Variants in ABHD2 observed in about 807,000 individuals in gnomAD.
ABHD2 encodes the protein abhydrolase domain containing 2, acylglycerol lipase.
In ABHD2, 20 loss-of-function variants were observed where a neutral mutation model predicts 48.1. That is an observed-to-expected ratio of 0.42 (90% CI 0.29 to 0.60). ABHD2 has a LOEUF of 0.60. Among genes scored for constraint, ABHD2 ranks in the 20% least tolerant of loss-of-function variants. The pLI, the probability that ABHD2 is intolerant of heterozygous loss-of-function variation, is 0.24. For synonymous variants in ABHD2, 209 were observed against 214.2 expected (o/e 0.98, Z 0.21); for missense variants, 405 against 550.9 (o/e 0.74, Z 2.65).
At chr15:89,083,461 C>G (rs1175842806), upstream of ABHD2, among the ~76,000 whole-genome samples, 1 of 152,148 alleles carries the variant, frequency 6.6e-6, no homozygotes, top group Non-Finnish European at 1.5e-5. The surrounding 1 kb of genome is among the most constrained non-coding windows in gnomAD (Gnocchi z 5.1). Flanking sequence ...GATTAGAACA[C>G]TTTTTCATCT....
At chr15:89,178,510 G>A (rs188658940) in intron 6 of ABHD2, among the ~76,000 whole-genome samples, 111 of 152,198 alleles carry the variant, frequency 7.3e-4, no homozygotes, top group Middle Eastern at 3.4e-3. Context: ...CTGGAGACCC[G>A]CTTCCTCAGT....
chr15:89,191,377 G>A (rs932391867), intron 9 of ABHD2, among the ~76,000 whole-genome samples: 2 of 152,060 alleles, frequency 1.3e-5, no homozygotes, highest in Admixed American at 6.6e-5. Context: ...TCTGTGTGAG[G>A]GCCTTTAAAA....
At position 89,176,297 on chromosome 15, in the gene ABHD2, G is replaced by A. The variant is rs2051012307; in HGVS notation, c.722+302G>A. On this transcript the variant is annotated intron_variant, in intron 6 of 10. Coordinates refer to ENST00000352732, the MANE Select transcript of ABHD2 (RefSeq NM_152924.5). The surrounding 1 kb of genome is among the most constrained non-coding windows in gnomAD (Gnocchi z 4.5). ...TCTGTCAGGTGACTTAATTTGTTCA[G>A]GCTTCAGGAGTTTTTATAGAAACGT... is the stretch of plus-strand genomic sequence containing the variant. Among the ~76,000 whole-genome samples the A allele has an allele frequency of 6.6e-6, 1 of 152,104 alleles. No individual in the cohort carries two copies. Among genetic ancestry groups the A allele is most frequent in the Non-Finnish European group, 1.5e-5 (1 of 68,018 alleles).
At chr15:89,071,844 C>T in the ABHD2 span, among the ~76,000 whole-genome samples, 2 of 152,210 alleles carry the variant, frequency 1.3e-5, no homozygotes, top group African/African-American at 4.8e-5. Flanking sequence ...TTATAATGCT[C>T]ACTCCCTGAT....
chr15:89,107,154 G>A (rs2049799306), intron 1 of ABHD2, among the ~76,000 whole-genome samples: 1 of 152,188 alleles, frequency 6.6e-6, no homozygotes, highest in African/African-American at 2.4e-5. Context: ...GAGAGGGGTG[G>A]TGTCAGGAGC....
the ABHD2 span, among the ~76,000 whole-genome samples, chr15:89,052,977 T>TA: frequency 3.3e-4 from 50 of 151,600 alleles, no homozygotes; most frequent in African/African-American, 1.2e-3. Context: ...AGCTTTTTTT[T>TA]TTTTTTTTGA....
chr15:89,072,583 A>C, the ABHD2 span, among the ~76,000 whole-genome samples: 3 of 129,444 alleles, frequency 2.3e-5, no homozygotes, highest in South Asian at 3.0e-4. Context: ...AGGGGAGGGA[A>C]GAAAAGGAGA....
chr15:89,050,303 G>A, the ABHD2 span, among the ~76,000 whole-genome samples: 1 of 152,168 alleles, frequency 6.6e-6, no homozygotes, highest in African/African-American at 2.4e-5. Context: ...CTCTGGGCCT[G>A]AGCCTATGGA....
At chr15:89,101,166 A>G (rs975759706) in intron 1 of ABHD2, among the ~76,000 whole-genome samples, 7 of 152,176 alleles carry the variant, frequency 4.6e-5, no homozygotes, top group African/African-American at 1.7e-4. Context: ...AGCTTTGAAT[A>G]TATTTCTTTA....
the ABHD2 span, among the ~76,000 whole-genome samples, chr15:89,070,581 A>G: frequency 6.6e-6 from 1 of 152,172 alleles, no homozygotes; most frequent in Admixed American, 6.5e-5. Context: ...GGATGGGGTA[A>G]TCTCAATAAA....
chr15:89,151,681 A>C lies in ABHD2; in HGVS notation c.199A>C (p.Ile67Leu). The C allele has an allele frequency of 1.2e-6, 2 of 1,613,826 alleles. No homozygotes were observed. Among genetic ancestry groups the C allele is most frequent in the South Asian group, 2.2e-5 (2 of 91,058 alleles). The change falls in exon 4 of 11, where the codon ATT (isoleucine) becomes CTT (leucine). Residue 67 changes from isoleucine (I) to leucine (L), a missense_variant. Ile to Leu is a conservative substitution (Grantham distance 5, BLOSUM62 2). Coordinates refer to ENST00000352732, the MANE Select transcript of ABHD2 (RefSeq NM_152924.5). This position sits in a 1 kb window ranked among gnomAD's most constrained non-coding sequence, Gnocchi z 4.7. The part of the protein sequence containing the change: ...KSCPLLTKEY[I>L]PPLIWGKSGH... Reference sequence around the variant, plus strand: ...CCTCCCTTGTCCTTTCTTTAGATACATTCCACCGTTGATCTGGGGGAAAAG... The same window carrying C: ...CCTCCCTTGTCCTTTCTTTAGATACCTTCCACCGTTGATCTGGGGGAAAAG...
Position 89,099,431 on chromosome 15 carries a change from C to T in ABHD2, c.-107+10868C>T, listed in dbSNP as rs2049665302. ...CCTGGAAAACATAGTGAGACTCCAT[C>T]TCTGCAACAACAACAACAACAAGAA... On this transcript the variant is annotated intron_variant, in intron 1 of 10. Transcript: ENST00000352732. Among the ~76,000 whole-genome samples, 4 of 151,802 alleles carry T rather than the reference C, an allele frequency of 2.6e-5. No individual in the cohort carries two copies. In the South Asian group the frequency reaches 8.3e-4, roughly 32 times the overall value.
chr15:89,117,062 G>T (rs775353333), intron 3 of ABHD2, among the ~76,000 whole-genome samples: 2 of 152,142 alleles, frequency 1.3e-5, no homozygotes, highest in African/African-American at 4.8e-5. Context: ...GTCTTGCTCA[G>T]TCACTCAGGC....
Position 89,116,352 on chromosome 15 carries a change from G to A in ABHD2, c.25G>A (p.Glu9Lys), listed in dbSNP as rs758636497. ...GATGAATGCCATGCTGGAGACTCCCGAACTCCCAGCCGTGTTTGATGGAGT... is the reference window on the plus strand; with the variant it reads ...GATGAATGCCATGCTGGAGACTCCCAAACTCCCAGCCGTGTTTGATGGAGT... MNAMLETP[E>K]LPAVFDGVKL... The change falls in exon 3 of 11, where the codon GAA becomes AAA. Residue 9 changes from glutamate (E) to lysine (K), a missense_variant. Glu to Lys is a moderately conservative substitution (Grantham distance 56). Coordinates refer to ENST00000352732, the MANE Select transcript of ABHD2 (RefSeq NM_152924.5). The surrounding 1 kb of genome is among the most constrained non-coding windows in gnomAD (Gnocchi z 4.6). 2.0e-5 allele frequency: 32 copies of A among 1,614,094 alleles called. 1 individual carries two copies. The highest frequency in any genetic ancestry group is 1.3e-4 in the South Asian group (12 of 91,078).
Position 89,092,378 on chromosome 15 carries a change from G to A in ABHD2, c.-107+3815G>A, listed in dbSNP as rs1901631364. On this transcript the variant is annotated intron_variant, in intron 1 of 10. Transcript: ENST00000352732. The surrounding 1 kb of genome is among the most constrained non-coding windows in gnomAD (Gnocchi z 4.4). ...ATTAAGTTCAACAAATTAAGCATCT[G>A]GTGTGTGCCAGGAACACAGTTGACA... Among the ~76,000 whole-genome samples the A allele has an allele frequency of 6.6e-6, 1 of 152,074 alleles. No homozygotes were observed. The highest frequency in any genetic ancestry group is 2.1e-4 in the South Asian group (1 of 4,826).
In ABHD2 at chr15:89,092,304, G is replaced by C. The variant is rs904071178; in HGVS notation, c.-107+3741G>C. ...AGAGAAGTGGAACGTTGGTACCCTTGGATTTGCCTGGTTTCTGATTTTCTT... is the reference window on the plus strand; with the variant it reads ...AGAGAAGTGGAACGTTGGTACCCTTCGATTTGCCTGGTTTCTGATTTTCTT... On this transcript the variant is annotated intron_variant, in intron 1 of 10. Coordinates refer to ENST00000352732, the MANE Select transcript of ABHD2 (RefSeq NM_152924.5). This position sits in a 1 kb window ranked among gnomAD's most constrained non-coding sequence, Gnocchi z 4.4. Among the ~76,000 whole-genome samples, 7 of 152,090 alleles carry C rather than the reference G, an allele frequency of 4.6e-5. No individual in the cohort carries two copies. Among genetic ancestry groups the C allele is most frequent in the Admixed American group, 4.6e-4 (7 of 15,266 alleles).
Position 89,201,327 on chromosome 15 carries a change from C to T in ABHD2, c.*5904C>T, listed in dbSNP as rs1180530787. 9 of 1,055,910 alleles carry T rather than the reference C, an allele frequency of 8.5e-6. No individual in the cohort carries two copies. The highest frequency in any genetic ancestry group is 2.0e-5 in the Admixed American group (1 of 50,272). The allele number at this position is 1,055,910 out of a possible 1,614,324, so 65.4% of individuals were successfully genotyped here. The stretch of plus-strand genomic sequence containing the variant: ...CTTGTTTCAGTATCATGAAGTGAAG[C>T]ACTGTGTGGTTGTGGCGTGGGCCCG... On this transcript the variant is annotated 3_prime_UTR_variant, in exon 11 of 11. Transcript: ENST00000352732.
chr15:89,133,817 G>A (rs1012646377), intron 3 of ABHD2, among the ~76,000 whole-genome samples: 2 of 149,210 alleles, frequency 1.3e-5, no homozygotes, highest in Non-Finnish European at 3.0e-5. Context: ...TGCCCATAGT[G>A]GTATTTGCCA....
the ABHD2 span, among the ~76,000 whole-genome samples, chr15:89,063,739 C>T: frequency 6.6e-6 from 1 of 152,110 alleles, no homozygotes; most frequent in Admixed American, 6.5e-5. Context: ...GATTCACTTC[C>T]AGAACTTTTT....
Sources: allele counts gnomAD v4.1 joint callset (sites outside exome capture counted in the v4.1 genomes callset), GRCh38; gene constraint gnomAD v4.1.1; non-coding constraint Gnocchi (gnomAD v3.1); transcripts MANE v1.5; gene names NCBI Gene and HGNC (gene_info 2026-07-23, HGNC 2026-07-21).